The following ESRRG variants were observed in gnomAD, a reference collection of about 807,000 sequenced individuals.
The protein encoded by ESRRG is estrogen related receptor gamma.
Under a neutral mutation model 44.0 loss-of-function variants are expected in ESRRG, and 13 were observed. That is an observed-to-expected ratio of 0.30 (90% CI 0.19 to 0.47). The LOEUF is 0.47. Among genes scored for constraint, ESRRG ranks in the 20% least tolerant of loss-of-function variants. ESRRG has a pLI of 1.00. For missense variants in ESRRG, 395 were observed against 580.6 expected (o/e 0.68, Z 3.29); for synonymous variants, 215 against 214.6 (o/e 1.00, Z -0.02).
At chr1:216,700,033 C>A (rs991999704) in intron 1 of ESRRG, among the ~76,000 whole-genome samples, 2 of 152,078 alleles carry the variant, frequency 1.3e-5, no homozygotes, top group Non-Finnish European at 1.5e-5. Flanking sequence ...ATGGATGTAT[C>A]AGTCATCGTT....
At chr1:216,518,810 T>C (rs998379005) in intron 6 of ESRRG, among the ~76,000 whole-genome samples, 1 of 152,214 alleles carries the variant, frequency 6.6e-6, no homozygotes, top group Non-Finnish European at 1.5e-5. Flanking sequence ...ACAATTCCCT[T>C]GTTTTAACTT....
At chr1:216,700,310 C>T (rs1357931139) in intron 1 of ESRRG, among the ~76,000 whole-genome samples, 1 of 152,164 alleles carries the variant, frequency 6.6e-6, no homozygotes, top group Non-Finnish European at 1.5e-5. Flanking sequence ...AATATTATCA[C>T]ACATTCAGCA....
At chr1:217,085,077 G>A (rs1267259909) in intron 1 of ESRRG, among the ~76,000 whole-genome samples, 1 of 144,574 alleles carries the variant, frequency 6.9e-6, no homozygotes, top group Non-Finnish European at 1.5e-5. Context: ...GCTAAGGAGA[G>A]AGTGGCCTTT....
chr1:216,929,597 A>G (rs1363226101), intron 2 of ESRRG, among the ~76,000 whole-genome samples: 1 of 152,184 alleles, frequency 6.6e-6, no homozygotes, highest in Non-Finnish European at 1.5e-5. Context: ...CCAGACAGAG[A>G]GAATGGCATT....
At chr1:217,043,996 T>C (rs544385756) in intron 1 of ESRRG, among the ~76,000 whole-genome samples, 33 of 152,102 alleles carry the variant, frequency 2.2e-4, no homozygotes, top group Admixed American at 1.6e-3. Context: ...CCGATAGGAA[T>C]AATATAGCCA....
chr1:217,071,792 G>A (rs2090595915), intron 1 of ESRRG, among the ~76,000 whole-genome samples: 2 of 152,114 alleles, frequency 1.3e-5, no homozygotes, highest in Admixed American at 1.3e-4. Flanking sequence ...GATGAAGTGG[G>A]TATAACTATT....
At chr1:216,814,926 T>C (rs1231023265) in intron 2 of ESRRG, among the ~76,000 whole-genome samples, 4 of 152,266 alleles carry the variant, frequency 2.6e-5, no homozygotes, top group African/African-American at 9.6e-5. Flanking sequence ...ATTTCAAAGA[T>C]GTTCAGCACC....
At chr1:216,829,055 C>A (rs2095443169) in intron 2 of ESRRG, among the ~76,000 whole-genome samples, 1 of 152,108 alleles carries the variant, frequency 6.6e-6, no homozygotes, top group South Asian at 2.1e-4. Flanking sequence ...AGTGACATTT[C>A]TTTTATTCCT....
intron 1 of ESRRG, among the ~76,000 whole-genome samples, chr1:216,721,828 C>T (rs1165607486): frequency 6.6e-6 from 1 of 152,164 alleles, no homozygotes; most frequent in East Asian, 1.9e-4. Flanking sequence ...GGCAGTCTTA[C>T]CTTTGTTTAT....
intron 3 of ESRRG, among the ~76,000 whole-genome samples, chr1:216,577,990 G>C (rs1428556313): frequency 2.0e-5 from 3 of 151,988 alleles, no homozygotes; most frequent in African/African-American, 7.2e-5. Flanking sequence ...TACCAGACTG[G>C]AGCAGAAATC....
chr1:216,978,368 C>T (rs561390296), intron 1 of ESRRG, among the ~76,000 whole-genome samples: 70 of 152,170 alleles, frequency 4.6e-4, no homozygotes, highest in Non-Finnish European at 7.5e-4. Flanking sequence ...AATATTTATT[C>T]TCTGGTCTTT....
intron 1 of ESRRG, chr1:216,682,006 A>C (rs1189752257): frequency 2.6e-5 from 4 of 152,202 alleles, no homozygotes; most frequent in Non-Finnish European, 5.9e-5. Flanking sequence ...AAGCTCAGCC[A>C]GTGCTTGTAT....
intron 2 of ESRRG, among the ~76,000 whole-genome samples, chr1:216,746,579 A>C (rs1199548383): frequency 1.3e-5 from 2 of 152,180 alleles, no homozygotes; most frequent in Non-Finnish European, 2.9e-5. Flanking sequence ...GATGGTGTCA[A>C]ATTTGAAAAT....
At chr1:216,798,055 C>T (rs1028931093) in intron 2 of ESRRG, among the ~76,000 whole-genome samples, 2 of 152,126 alleles carry the variant, frequency 1.3e-5, no homozygotes. Flanking sequence ...TCTTGTAATG[C>T]AAAACCCTGA....
intron 1 of ESRRG, among the ~76,000 whole-genome samples, chr1:216,710,916 G>T (rs1044647823): frequency 5.3e-5 from 8 of 152,208 alleles, no homozygotes; most frequent in Admixed American, 1.3e-4. Context: ...CTCCAAGACT[G>T]ACAGTGGGAC....
chr1:216,806,428 G>A (rs1037082443), intron 2 of ESRRG, among the ~76,000 whole-genome samples: 2 of 152,184 alleles, frequency 1.3e-5, no homozygotes, highest in African/African-American at 4.8e-5. Flanking sequence ...GCTGCTTACT[G>A]CTAGTATGTT....
intron 1 of ESRRG, among the ~76,000 whole-genome samples, chr1:217,108,652 C>T (rs1436843044): frequency 6.6e-6 from 1 of 151,924 alleles, no homozygotes; most frequent in Non-Finnish European, 1.5e-5. Flanking sequence ...TCCCTCCCTC[C>T]CTCTCCCTCT....
chr1:216,541,604 G>A (rs1200074645), intron 5 of ESRRG, among the ~76,000 whole-genome samples: 2 of 135,482 alleles, frequency 1.5e-5, no homozygotes, highest in East Asian at 4.1e-4. Flanking sequence ...GTGTGTGTGT[G>A]TGTATGTGAT....
At chr1:216,555,008 T>C (rs1286272990) in intron 5 of ESRRG, among the ~76,000 whole-genome samples, 2 of 152,170 alleles carry the variant, frequency 1.3e-5, no homozygotes, top group African/African-American at 2.4e-5. Flanking sequence ...CAAGTGTCCA[T>C]ATTGAGTTCA....
Sources: gnomAD v4.1 joint callset for allele counts (sites outside exome capture counted in the v4.1 genomes callset) on GRCh38, gnomAD v4.1.1 for gene constraint, MANE v1.5 for transcripts, NCBI Gene and HGNC (gene_info 2026-07-23, HGNC 2026-07-21) for gene names.